Variants in IQCJ observed in about 807,000 individuals in gnomAD.
IQCJ encodes IQ domain-containing protein J.
In IQCJ, 9 loss-of-function variants were observed where a neutral mutation model predicts 11.0. That is an observed-to-expected ratio of 0.82 (90% CI 0.49 to 1.43). IQCJ has a LOEUF of 1.43. Among genes scored for constraint, IQCJ ranks in the 40% most tolerant of loss-of-function variants. The pLI is 0.00. For missense variants in IQCJ, 146 were observed against 133.2 expected (o/e 1.10, Z -0.47); for synonymous variants, 55 against 51.3 (o/e 1.07, Z -0.31).
chr3:159,208,354 T>C (rs1724770828), intron 1 of IQCJ, among the ~76,000 whole-genome samples: 2 of 152,168 alleles, frequency 1.3e-5, no homozygotes, highest in African/African-American at 4.8e-5. Context: ...AGCCATCACC[T>C]ACCCCAGCTG....
chr3:159,218,320 G>A (rs1725344704), intron 1 of IQCJ, among the ~76,000 whole-genome samples: 1 of 150,634 alleles, frequency 6.6e-6, no homozygotes, highest in Admixed American at 6.7e-5. Context: ...AACTATGTAA[G>A]AGGGAGTATA....
intron 1 of IQCJ, among the ~76,000 whole-genome samples, chr3:159,166,329 C>A (rs150255817): frequency 6.6e-6 from 1 of 152,314 alleles, no homozygotes; most frequent in East Asian, 1.9e-4. Flanking sequence ...AGTTTTAGAT[C>A]TGGGTCAAGC....
At chr3:159,262,272 T>G (rs893256798) in intron 3 of IQCJ, among the ~76,000 whole-genome samples, 2 of 152,270 alleles carry the variant, frequency 1.3e-5, no homozygotes. Flanking sequence ...TAGTTTGTTT[T>G]GACTGATGAA....
intron 1 of IQCJ, among the ~76,000 whole-genome samples, chr3:159,241,588 A>G (rs1726927532): frequency 1.3e-5 from 2 of 152,002 alleles, no homozygotes. Context: ...TTTTTCCTTC[A>G]GTTAGTACCT....
intron 1 of IQCJ, among the ~76,000 whole-genome samples, chr3:159,084,923 T>TG (rs397768024): frequency 7.6e-6 from 1 of 132,422 alleles, no homozygotes; most frequent in Non-Finnish European, 1.7e-5. Flanking sequence ...CTTTTTTTTT[T>TG]ATTATTATTA....
At chr3:159,240,927 A>G (rs765134494) in intron 1 of IQCJ, among the ~76,000 whole-genome samples, 7 of 152,316 alleles carry the variant, frequency 4.6e-5, no homozygotes, top group Non-Finnish European at 8.8e-5. Context: ...TTTAAAAGAC[A>G]TGGCCAAAAC....
chr3:159,149,019 A>G (rs1721060832), intron 1 of IQCJ, among the ~76,000 whole-genome samples: 1 of 152,216 alleles, frequency 6.6e-6, no homozygotes. Flanking sequence ...CAGCAAGCAG[A>G]AATATTTAGT....
chr3:159,131,693 C>T (rs1345133329), intron 1 of IQCJ, among the ~76,000 whole-genome samples: 1 of 152,186 alleles, frequency 6.6e-6, no homozygotes, highest in African/African-American at 2.4e-5. Flanking sequence ...CACCTCTGCA[C>T]TCCTTTCATT....
At chr3:159,258,847 C>T (rs981012713) in intron 3 of IQCJ, among the ~76,000 whole-genome samples, 1 of 152,194 alleles carries the variant, frequency 6.6e-6, no homozygotes, top group Non-Finnish European at 1.5e-5. Flanking sequence ...TGCCCCCAGC[C>T]TGACCCCAGG....
intron 1 of IQCJ, among the ~76,000 whole-genome samples, chr3:159,161,666 C>T (rs1030152240): frequency 6.6e-6 from 1 of 152,160 alleles, no homozygotes; most frequent in Non-Finnish European, 1.5e-5. Flanking sequence ...GGTTTTAGGT[C>T]TAACGTTTAA....
chr3:159,084,591 T>C (rs1716575061), intron 1 of IQCJ, among the ~76,000 whole-genome samples: 1 of 152,098 alleles, frequency 6.6e-6, no homozygotes, highest in Admixed American at 6.6e-5. Flanking sequence ...TTATATCCAC[T>C]TTACAGATGA....
chr3:159,114,953 T>C (rs1718876108), intron 1 of IQCJ, among the ~76,000 whole-genome samples: 1 of 152,200 alleles, frequency 6.6e-6, no homozygotes, highest in South Asian at 2.1e-4. Flanking sequence ...AGGGTTAGTG[T>C]GTAATTCATG....
chr3:159,191,499 C>T (rs566856129), intron 1 of IQCJ, among the ~76,000 whole-genome samples: 7 of 152,106 alleles, frequency 4.6e-5, no homozygotes, highest in African/African-American at 1.7e-4. Flanking sequence ...CTGAGGCCGA[C>T]AGAACAAGTG....
chr3:159,187,963 T>A (rs1000283847), intron 1 of IQCJ, among the ~76,000 whole-genome samples: 10 of 152,092 alleles, frequency 6.6e-5, no homozygotes, highest in Non-Finnish European at 1.3e-4. Flanking sequence ...TGAGAACTCT[T>A]CCACCGGCGC....
At chr3:159,123,148 C>T (rs915095355) in intron 1 of IQCJ, among the ~76,000 whole-genome samples, 8 of 152,208 alleles carry the variant, frequency 5.3e-5, no homozygotes, top group Admixed American at 4.6e-4. Flanking sequence ...AAATAAGCAG[C>T]GGGTTGGACA....
intron 1 of IQCJ, among the ~76,000 whole-genome samples, chr3:159,116,582 C>A (rs1039606230): frequency 8.0e-6 from 1 of 124,276 alleles, no homozygotes; most frequent in Non-Finnish European, 1.7e-5. Context: ...AAGAGCTATA[C>A]CTCTTGTTCT....
chr3:159,087,703 C>T (rs1472742191), intron 1 of IQCJ, among the ~76,000 whole-genome samples: 2 of 145,746 alleles, frequency 1.4e-5, no homozygotes, highest in South Asian at 2.3e-4. Flanking sequence ...AGTTTATTTG[C>T]ATAGCGGTGT....
At chr3:159,132,048 A>G (rs1720023010) in intron 1 of IQCJ, among the ~76,000 whole-genome samples, 2 of 152,164 alleles carry the variant, frequency 1.3e-5, no homozygotes, top group South Asian at 2.1e-4. Flanking sequence ...GCTGACCCAT[A>G]GATCCTCACC....
intron 1 of IQCJ, among the ~76,000 whole-genome samples, chr3:159,142,431 CCA>C (rs371047280): frequency 0.045 from 5,883 of 129,842 alleles, 389 homozygotes; most frequent in African/African-American, 0.14. Flanking sequence ...TTTCCCCCCC[CCA>C]CCAGATGGAG....
Sources: gnomAD v4.1 joint callset for allele counts (sites outside exome capture counted in the v4.1 genomes callset) on GRCh38, gnomAD v4.1.1 for gene constraint, MANE v1.5 for transcripts, NCBI Gene and HGNC (gene_info 2026-07-23, HGNC 2026-07-21) for gene names.